Variants in ARMC10 observed in about 807,000 individuals in gnomAD.
The protein encoded by ARMC10 is armadillo repeat-containing protein 10.
Under a neutral mutation model 30.2 loss-of-function variants are expected in ARMC10, and 23 were observed. The ratio of observed to expected loss-of-function variants is 0.76; its 90% CI spans 0.55 to 1.08. The LOEUF is 1.08. Ranked by LOEUF, ARMC10 falls within the 50% of genes least tolerant of loss-of-function variation. The pLI is 0.00. For missense variants in ARMC10, 303 were observed against 413.7 expected (o/e 0.73, Z 2.32); for synonymous variants, 111 against 164.4 (o/e 0.68, Z 2.48).
intron 4 of ARMC10, among the ~76,000 whole-genome samples, chr7:103,090,575 C>T (rs1422129030): frequency 6.6e-6 from 1 of 152,166 alleles, no homozygotes; most frequent in African/African-American, 2.4e-5. Flanking sequence ...CCTCAGCTCA[C>T]TGCAACCCCT....
intron 2 of ARMC10, among the ~76,000 whole-genome samples, chr7:103,076,975 A>G (rs947258887): frequency 6.6e-6 from 1 of 152,158 alleles, no homozygotes; most frequent in African/African-American, 2.4e-5. Flanking sequence ...CGGCGCAATC[A>G]CAGCTGCAGC....
chr7:103,076,535 C>T (rs1799852642), intron 2 of ARMC10, among the ~76,000 whole-genome samples: 1 of 152,148 alleles, frequency 6.6e-6, no homozygotes, highest in African/African-American at 2.4e-5. Context: ...ATGCTTATTT[C>T]ACTTTTAAAA....
rs995657649 is a variant in ARMC10 at position 103,099,465 on chromosome 7, C to G, written c.*912C>G. On this transcript the variant is annotated 3_prime_UTR_variant, in exon 7 of 7. Coordinates refer to ENST00000323716, the MANE Select transcript of ARMC10 (RefSeq NM_031905.5). ...CAGCCTGGGCAACAAGAGCAAAACT[C>G]TGTCTCAAAAAAAAAAAAAAATGAT... The G allele has an allele frequency of 7.0e-6, 1 of 143,692 alleles. No homozygotes were observed. 8.9% of individuals were successfully genotyped at this position (143,692 alleles called of 1,614,324 possible).
At chr7:103,075,935 G>A (rs1266198597) in intron 2 of ARMC10, 54 bp downstream of exon 2, 3 of 1,311,012 alleles carry the variant, frequency 2.3e-6, no homozygotes, top group Non-Finnish European at 3.1e-6. Flanking sequence ...CCCTCCCAGC[G>A]GACAAATGCA....
chr7:103,084,062 C>T (rs1048043194), intron 3 of ARMC10: 30 of 1,478,340 alleles, frequency 2.0e-5, no homozygotes, highest in African/African-American at 2.8e-5. Flanking sequence ...GCATCACATT[C>T]GTAAGTATAT....
At chr7:103,082,976 T>C in intron 2 of ARMC10, 1 of 431,750 alleles carries the variant, frequency 2.3e-6, no homozygotes, top group South Asian at 1.7e-5. Context: ...GCAACAAGAT[T>C]GGTTTACTCT....
chr7:103,075,458 G>C, intron 1 of ARMC10, 47 bp downstream of exon 1: 1 of 1,275,474 alleles, frequency 7.8e-7, no homozygotes, highest in Non-Finnish European at 9.9e-7. Context: ...TGGGCAGGGG[G>C]GCTCCCCAGG....
intron 5 of ARMC10, among the ~76,000 whole-genome samples, chr7:103,093,499 A>G (rs969438854): frequency 6.6e-6 from 1 of 152,300 alleles, no homozygotes; most frequent in African/African-American, 2.4e-5. Context: ...CTCTTTTCCA[A>G]TAGCCAAACT....
At chr7:103,097,966 T>G (rs757549821) in intron 6 of ARMC10, among the ~76,000 whole-genome samples, 7 of 152,182 alleles carry the variant, frequency 4.6e-5, no homozygotes, top group African/African-American at 1.4e-4. Flanking sequence ...TGAGTTCCCA[T>G]GAAAACCGTA....
At chr7:103,081,730 A>G (rs1196313580) in intron 2 of ARMC10, among the ~76,000 whole-genome samples, 1 of 152,058 alleles carries the variant, frequency 6.6e-6, no homozygotes, top group Non-Finnish European at 1.5e-5. Context: ...TGATTTTGAA[A>G]TATCTCAAAT....
intron 4 of ARMC10, among the ~76,000 whole-genome samples, chr7:103,090,069 G>A (rs779439288): frequency 6.6e-6 from 1 of 152,190 alleles, no homozygotes; most frequent in East Asian, 1.9e-4. Context: ...TCTTGAGAAT[G>A]TTACCCTACA....
chr7:103,085,606 C>CTTTTTTTTTTT (rs10581217), intron 3 of ARMC10, among the ~76,000 whole-genome samples: 19 of 130,584 alleles, frequency 1.5e-4, no homozygotes, highest in African/African-American at 4.8e-4. Context: ...CATTTCTCTT[C>CTTTTTTTTTTT]TTTTTTTTTT....
intron 4 of ARMC10, among the ~76,000 whole-genome samples, chr7:103,091,488 TTA>T (rs71110812): frequency 0.18 from 5,286 of 28,966 alleles, 287 homozygotes; most frequent in African/African-American, 0.19. Flanking sequence ...AAGGGGTGAA[TTA>T]TATATATATA....
At chr7:103,075,540 G>A (rs867572603) in intron 1 of ARMC10, 129 bp downstream of exon 1, 1 of 1,066,336 alleles carries the variant, frequency 9.4e-7, no homozygotes, top group Middle Eastern at 3.0e-4. Context: ...GTACTTGTGT[G>A]AGTGCAGGGT....
intron 2 of ARMC10, among the ~76,000 whole-genome samples, chr7:103,077,562 C>T (rs1799998306): frequency 6.6e-6 from 1 of 152,064 alleles, no homozygotes; most frequent in Admixed American, 6.5e-5. Context: ...CTCATTAATC[C>T]ATGAATGGAT....
intron 2 of ARMC10, among the ~76,000 whole-genome samples, chr7:103,082,430 G>A (rs953553022): frequency 6.7e-6 from 1 of 148,678 alleles, no homozygotes; most frequent in African/African-American, 2.5e-5. Flanking sequence ...GTACTGTTGA[G>A]TACAGGGTAG....
intron 4 of ARMC10, chr7:103,087,660 A>T: frequency 4.5e-6 from 2 of 446,856 alleles, no homozygotes; most frequent in Non-Finnish European, 5.9e-6. Flanking sequence ...ATGTGCTCCT[A>T]TGAAGAAAAA....
chr7:103,086,697 T>C lies in ARMC10; in HGVS notation c.461T>C (p.Ile154Thr). The C allele has an allele frequency of 1.3e-6, 2 of 1,598,228 alleles. No individual in the cohort carries two copies. The highest frequency in any genetic ancestry group is 1.7e-6 in the Non-Finnish European group (2 of 1,176,392). The change falls in exon 4 of 7, where the codon ATT (isoleucine) becomes ACT (threonine). Residue 154 changes from isoleucine (I) to threonine (T), a missense_variant. Ile to Thr is a moderately conservative substitution (Grantham distance 89, BLOSUM62 -1). Around this residue, in one of 4 missense-constraint regions of ARMC10, gnomAD observed 170 missense variants for 207.2 expected, o/e 0.82. Coordinates refer to ENST00000323716, the MANE Select transcript of ARMC10 (RefSeq NM_031905.5). ...AAAATCAACCATTCCAACCAGAGTA[T>C]TAAAGAGAAAGCTTTAAATGCACTA... is the stretch of plus-strand genomic sequence containing the variant. ...ANKINHSNQS[I>T]KEKALNALNN...
In ARMC10 at chr7:103,092,638, A is replaced by T; in HGVS notation, c.690A>T (p.Gly230=). The T allele has an allele frequency of 6.4e-7, 1 of 1,570,378 alleles. No homozygotes were observed. Among genetic ancestry groups the T allele is most frequent in the African/African-American group, 1.3e-5 (1 of 74,464 alleles). The change falls in exon 5 of 7, where the codon GGA becomes GGT. Residue 230 remains glycine, a synonymous_variant. Coordinates refer to ENST00000323716, the MANE Select transcript of ARMC10 (RefSeq NM_031905.5). Reference sequence around the variant, plus strand: ...ACCTGTTCCAGGTGTTACTTACTGGAAATGGAAACACGAAGGTATGAAGAG... The same window carrying T: ...ACCTGTTCCAGGTGTTACTTACTGGTAATGGAAACACGAAGGTATGAAGAG... The part of the protein sequence containing the change: ...ITDLFQVLLT[G]NGNTKVQVLK...
Sources: allele counts gnomAD v4.1 joint callset (sites outside exome capture counted in the v4.1 genomes callset), GRCh38; gene constraint gnomAD v4.1.1; regional missense constraint gnomAD v4.1.1; transcripts MANE v1.5; gene names NCBI Gene and HGNC (gene_info 2026-07-23, HGNC 2026-07-21).